COL27A1: variants seen among roughly 807,000 people sequenced by gnomAD.
COL27A1 encodes the protein collagen type XXVII alpha 1 chain, also known as collagen alpha-1(XXVII) chain.
A neutral mutation model predicts 251.3 loss-of-function variants in COL27A1; 106 were observed. That is an observed-to-expected ratio of 0.42 (90% CI 0.36 to 0.50). COL27A1 has a LOEUF of 0.50. Among genes scored for constraint, COL27A1 ranks in the 20% least tolerant of loss-of-function variants. COL27A1 has a pLI of 0.00. For missense variants in COL27A1, 2,325 were observed against 2,522.8 expected, an observed-to-expected ratio of 0.92 and a Z score of 1.68; for synonymous variants, 1,000 against 986.3, an observed-to-expected ratio of 1.01 and a Z score of -0.26.
intron 1 of COL27A1, among the ~76,000 whole-genome samples, chr9:114,159,690 G>T (rs1030466709): frequency 6.6e-6 from 1 of 152,306 alleles, no homozygotes; most frequent in African/African-American, 2.4e-5. Flanking sequence ...TCAAGACTGG[G>T]ATGCAGGGTA....
At chr9:114,276,316 A>G in intron 37 of COL27A1, among the ~76,000 whole-genome samples, 1 of 152,226 alleles carries the variant, frequency 6.6e-6, no homozygotes, top group Non-Finnish European at 1.5e-5. Flanking sequence ...CGTCTTTAAC[A>G]GTGCCTTGGC....
intron 10 of COL27A1, among the ~76,000 whole-genome samples, chr9:114,207,287 G>T (rs1197920241): frequency 6.6e-6 from 1 of 152,234 alleles, no homozygotes; most frequent in Non-Finnish European, 1.5e-5. Flanking sequence ...TGTTAGGAGA[G>T]TGTGGGGAGG....
chr9:114,157,095 CACACACACAT>C (rs1848171991), intron 1 of COL27A1, among the ~76,000 whole-genome samples: 1 of 132,100 alleles, frequency 7.6e-6, no homozygotes, highest in African/African-American at 2.6e-5. Flanking sequence ...CACACACACA[CACACACACAT>C]ACGCGCGCGC....
Position 114,265,492 on chromosome 9 carries a change from T to C in COL27A1, c.3393+17T>C, listed in dbSNP as rs2135597148. 1 of 1,613,000 alleles carries C rather than the reference T, an allele frequency of 6.2e-7. No individual in the cohort carries two copies. Among genetic ancestry groups the C allele is most frequent in the African/African-American group, 1.3e-5 (1 of 74,988 alleles). On this transcript the variant is annotated intron_variant, in intron 32 of 60. Coordinates refer to ENST00000356083, the MANE Select transcript of COL27A1 (RefSeq NM_032888.4). ...GGAGAACCGGTAAGAGCCCTTTCCT[T>C]CCCTCTTCTGCTTCTTTGCCGCTGG...
rs769290879 is a variant in COL27A1, at chr9:114,237,031, T to C, written c.2670T>C (p.Pro890=). 6 of 1,607,742 alleles carry C rather than the reference T, an allele frequency of 3.7e-6. No individual in the cohort carries two copies. Among genetic ancestry groups the C allele is most frequent in the Non-Finnish European group, 5.1e-6 (6 of 1,177,034 alleles). Residue 890 remains proline (P), a synonymous_variant, in exon 18 of 61, where the codon CCT becomes CCC. Transcript: ENST00000356083. The part of the protein sequence containing the change: ...GFPGARGKPG[P]LGKVGDKGSI... ...CCGGTGCACGGGGGAAGCCAGGGCCTCTGGTAAGTACCTGCTCCTCCAGCA... is the reference window on the plus strand; with the variant it reads ...CCGGTGCACGGGGGAAGCCAGGGCCCCTGGTAAGTACCTGCTCCTCCAGCA...
At chr9:114,294,922 T>C (rs1204991512) in intron 49 of COL27A1, among the ~76,000 whole-genome samples, 1 of 152,250 alleles carries the variant, frequency 6.6e-6, no homozygotes, top group Non-Finnish European at 1.5e-5. Flanking sequence ...GGAAATAATG[T>C]CTATGTAGAA....
chr9:114,263,060 G>T (rs993796313), intron 28 of COL27A1, among the ~76,000 whole-genome samples: 15 of 147,478 alleles, frequency 1.0e-4, no homozygotes, highest in African/African-American at 3.0e-4. Flanking sequence ...TACTTCAGCC[G>T]CCTGAGTAGC....
Position 114,290,686 on chromosome 9 carries a change from C to A in COL27A1, c.4369-124C>A. 1 of 713,570 alleles carries A rather than the reference C, an allele frequency of 1.4e-6. No homozygotes were observed. Among genetic ancestry groups the A allele is most frequent in the Non-Finnish European group, 2.3e-6 (1 of 427,152 alleles). 44.2% of individuals were successfully genotyped at this position (713,570 alleles called of 1,614,324 possible). On this transcript the variant is annotated intron_variant, in intron 47 of 60. Transcript: ENST00000356083. The surrounding 1 kb of genome is among the most constrained non-coding windows in gnomAD (Gnocchi z 4.6). Reference sequence around the variant, plus strand: ...CCACATCACACACAGGCCGTCTGACCTCCATCCTGGAGTGTGACCCCTTCC... The same window carrying A: ...CCACATCACACACAGGCCGTCTGACATCCATCCTGGAGTGTGACCCCTTCC...
At chr9:114,291,013 G>C (rs566560583) in intron 48 of COL27A1, 96 bp downstream of exon 48, 12 of 849,212 alleles carry the variant, frequency 1.4e-5, no homozygotes, top group African/African-American at 1.0e-4. Flanking sequence ...ATGTCCCAGG[G>C]CCTGTGTGAA....
At chr9:114,209,819 G>A (rs1830222678) in intron 11 of COL27A1, 91 bp downstream of exon 11, 1 of 1,284,658 alleles carries the variant, frequency 7.8e-7, no homozygotes, top group Non-Finnish European at 1.1e-6. Context: ...GGAAGTCAAG[G>A]AATTCCTCCT....
intron 43 of COL27A1, 39 bp from the exon 44 acceptor site, chr9:114,288,875 A>C (rs1050440589): frequency 3.7e-6 from 6 of 1,612,528 alleles, no homozygotes; most frequent in Non-Finnish European, 5.1e-6. Context: ...AGCCCTCTGC[A>C]GGATGGGCCC....
At chr9:114,179,097 C>T (rs370424234) in intron 4 of COL27A1, among the ~76,000 whole-genome samples, 15 of 152,308 alleles carry the variant, frequency 9.8e-5, no homozygotes, top group South Asian at 4.1e-4. Flanking sequence ...CAACAGCACC[C>T]GGCATCTGTG....
chr9:114,273,707 C>T (rs749298284), intron 36 of COL27A1: 1 of 152,318 alleles, frequency 6.6e-6, no homozygotes, highest in Admixed American at 6.5e-5. Flanking sequence ...TATGCTTTTC[C>T]AAGCCTGCTC....
intron 10 of COL27A1, among the ~76,000 whole-genome samples, chr9:114,206,684 A>G (rs1190844186): frequency 1.6e-4 from 25 of 152,090 alleles, no homozygotes; most frequent in Non-Finnish European, 3.7e-4. Flanking sequence ...GGCTGGGGGG[A>G]ACCACTCTTT....
intron 12 of COL27A1, among the ~76,000 whole-genome samples, chr9:114,213,584 G>A (rs2135349952): frequency 6.6e-6 from 1 of 152,294 alleles, no homozygotes; most frequent in South Asian, 2.1e-4. Flanking sequence ...CAAATTTTAA[G>A]GGTAGAGACA....
chr9:114,170,872 G>A (rs537143714), intron 3 of COL27A1, among the ~76,000 whole-genome samples: 9 of 152,328 alleles, frequency 5.9e-5, no homozygotes, highest in African/African-American at 9.6e-5. Context: ...CGCTGTGTGC[G>A]TGCTGGGCTC....
chr9:114,216,995 T>C (rs1830753322), intron 12 of COL27A1, among the ~76,000 whole-genome samples: 1 of 152,194 alleles, frequency 6.6e-6, no homozygotes, highest in Non-Finnish European at 1.5e-5. Flanking sequence ...GAATCTCATC[T>C]CTGCTATGCC....
intron 14 of COL27A1, among the ~76,000 whole-genome samples, chr9:114,223,712 T>G (rs1337189584): frequency 6.6e-6 from 1 of 152,212 alleles, no homozygotes; most frequent in Non-Finnish European, 1.5e-5. Context: ...CTACCACTCA[T>G]GTAATCACAA....
intron 34 of COL27A1, among the ~76,000 whole-genome samples, chr9:114,268,104 G>A (rs1834871701): frequency 1.3e-5 from 2 of 152,242 alleles, no homozygotes; most frequent in South Asian, 2.1e-4. Context: ...CAGGCCGGGG[G>A]CTGCCAGACT....
Sources: gnomAD v4.1 joint callset for allele counts (sites outside exome capture counted in the v4.1 genomes callset) on GRCh38, gnomAD v4.1.1 for gene constraint, Gnocchi (gnomAD v3.1) non-coding constraint, MANE v1.5 for transcripts, NCBI Gene and HGNC (gene_info 2026-07-23, HGNC 2026-07-21) for gene names.